BZW1: variants seen among roughly 807,000 people sequenced by gnomAD.
BZW1 encodes eIF5-mimic protein 2.
BZW1 carries 3 observed loss-of-function variants against 54.1 expected under a neutral mutation model. That is an observed-to-expected ratio of 0.06 (90% CI 0.03 to 0.14). The LOEUF is 0.14. Ranked by LOEUF, BZW1 falls within the 10% of genes least tolerant of loss-of-function variation. BZW1 has a pLI of 1.00. For missense variants in BZW1, 206 were observed against 491.7 expected (o/e 0.42, Z 5.50); for synonymous variants, 152 against 162.7 (o/e 0.93, Z 0.50).
chr2:200,813,096 C>A, intron 1 of BZW1, 112 bp from the exon 2 acceptor site: 1 of 856,632 alleles, frequency 1.2e-6, no homozygotes, highest in Non-Finnish European at 1.9e-6. Context: ...GCTTTATATC[C>A]TGAGAGTGGG....
At position 200,825,978 on chromosome 2, in the gene BZW1, C is replaced by T. The variant is rs1168688761; in HGVS notation, c.*3800C>T. On this transcript the variant is annotated 3_prime_UTR_variant, in exon 12 of 12. Transcript: ENST00000409600. ...TGATTTTTCATGCTCAGTATTAGTCCTCTAGTATCAATACGAAGTTTTTCT... is the reference window on the plus strand; with the variant it reads ...TGATTTTTCATGCTCAGTATTAGTCTTCTAGTATCAATACGAAGTTTTTCT... 3.3e-5 allele frequency: 5 copies of T among 152,134 alleles called. No homozygotes were observed. The highest frequency in any genetic ancestry group is 9.7e-5 in the African/African-American group (4 of 41,424). The allele number at this position is 152,134 out of a possible 1,614,324, so 9.4% of individuals were successfully genotyped here.
intron 6 of BZW1, 107 bp downstream of exon 6, chr2:200,817,348 C>G (rs1486304970): frequency 2.2e-6 from 3 of 1,362,876 alleles, no homozygotes; most frequent in Non-Finnish European, 3.0e-6. Context: ...GTTTATTAAC[C>G]AGCCTTAAAT....
Position 200,811,922 on chromosome 2 carries a change from A to T in BZW1, c.-79A>T. On this transcript the variant is annotated 5_prime_UTR_variant, in exon 1 of 12. Coordinates refer to ENST00000409600, the MANE Select transcript of BZW1 (RefSeq NM_001207067.2). ...TCCTCCTGGCGTTAGTTCCGGTCGC[A>T]GAGGAGACACCGCCGCAGTTGCCGG... 3 of 233,890 alleles carry T rather than the reference A, an allele frequency of 1.3e-5. No homozygotes were observed. Among genetic ancestry groups the T allele is most frequent in the African/African-American group, 2.3e-5 (1 of 44,418 alleles). The allele number at this position is 233,890 out of a possible 1,614,324, so 14.5% of individuals were successfully genotyped here.
At chr2:200,812,867 C>T (rs958586459) in intron 1 of BZW1, 2 of 655,714 alleles carry the variant, frequency 3.1e-6, no homozygotes, top group Non-Finnish European at 5.8e-6. Context: ...TTCTGCGATG[C>T]TTAGTGGTCG....
At position 200,824,082 on chromosome 2, in the gene BZW1, G is replaced by A. The variant is rs1258529796; in HGVS notation, c.*1904G>A. Reference sequence around the variant, plus strand: ...TTTATACTGTGTATAGTGAAAAAGTGTGTCATCTTCCAGAACTACATTATT... The same window carrying A: ...TTTATACTGTGTATAGTGAAAAAGTATGTCATCTTCCAGAACTACATTATT... On this transcript the variant is annotated 3_prime_UTR_variant, in exon 12 of 12. Coordinates refer to ENST00000409600, the MANE Select transcript of BZW1 (RefSeq NM_001207067.2). The A allele has an allele frequency of 6.6e-6, 1 of 152,134 alleles. No individual in the cohort carries two copies. The highest frequency in any genetic ancestry group is 2.4e-5 in the African/African-American group (1 of 41,438). The allele number at this position is 152,134 out of a possible 1,614,324, so 9.4% of individuals were successfully genotyped here. A position where few individuals can be genotyped will look rare whatever the true frequency, so the allele number is the denominator to read the frequency against.
At chr2:200,813,356 C>T in intron 2 of BZW1, 75 bp downstream of exon 2, 1 of 1,310,958 alleles carries the variant, frequency 7.6e-7, no homozygotes, top group Non-Finnish European at 1.1e-6. Context: ...CTGACAGGTA[C>T]TTGCATATTA....
intron 9 of BZW1, chr2:200,819,149 T>G (rs1043441325): frequency 1.6e-5 from 7 of 431,784 alleles, no homozygotes; most frequent in Admixed American, 1.5e-4. Context: ...CCCAGCACTT[T>G]GGGAGGCAAG....
chr2:200,821,041 T>A, intron 10 of BZW1, 142 bp from the exon 11 acceptor site: 3 of 985,134 alleles, frequency 3.0e-6, no homozygotes, highest in South Asian at 1.6e-5. Context: ...TGCGCACATG[T>A]ATTATTATCT....
intron 9 of BZW1, 182 bp downstream of exon 9, chr2:200,819,083 C>T (rs1250740851): frequency 9.3e-6 from 7 of 750,084 alleles, no homozygotes; most frequent in Non-Finnish European, 1.4e-5. Context: ...GGCTGTGGTT[C>T]ACAGGTTAAA....
chr2:200,812,736 G>A lies in BZW1; in HGVS notation c.-10-472G>A, dbSNP rs1043392908. ...GTTGCGGTCACAGGCATGACCTAGG[G>A]TAGGATGGTGCTGCCCGTAACCAGG... On this transcript the variant is annotated intron_variant, in intron 1 of 11. Transcript: ENST00000409600. 6 of 737,558 alleles carry A rather than the reference G, an allele frequency of 8.1e-6. No homozygotes were observed. The African/African-American group carries it at 1.0e-4, about 13-fold the overall frequency. 45.7% of individuals were successfully genotyped at this position (737,558 alleles called of 1,614,324 possible).
chr2:200,820,301 C>T, intron 10 of BZW1, 181 bp downstream of exon 10: 1 of 480,198 alleles, frequency 2.1e-6, no homozygotes, highest in Non-Finnish European at 3.6e-6. Context: ...AACATCTAAA[C>T]CCTATTCACA....
In BZW1 at chr2:200,822,143, C is replaced by G. The variant is rs2038550410; in HGVS notation, c.1229-4C>G. 2 of 1,605,202 alleles carry G rather than the reference C, an allele frequency of 1.2e-6. No individual in the cohort carries two copies. Among genetic ancestry groups the G allele is most frequent in the Admixed American group, 3.4e-5 (2 of 58,850 alleles). On this transcript the variant is annotated splice_region_variant and splice_polypyrimidine_tract_variant and intron_variant, in intron 11 of 11. Transcript: ENST00000409600. Reference sequence around the variant, plus strand: ...TGTTTGACTGTTTTTTTCCCCTTTTCTAGAATCTGAATCTGAAGCTGAAGA... The same window carrying G: ...TGTTTGACTGTTTTTTTCCCCTTTTGTAGAATCTGAATCTGAAGCTGAAGA...
intron 9 of BZW1, 47 bp downstream of exon 9, chr2:200,818,948 G>C: frequency 6.6e-7 from 1 of 1,504,640 alleles, no homozygotes; most frequent in Non-Finnish European, 8.8e-7. Flanking sequence ...GCTTTCACGT[G>C]GTGATAAGTG....
At chr2:200,820,457 A>G (rs1017451756) in intron 10 of BZW1, among the ~76,000 whole-genome samples, 1 of 152,188 alleles carries the variant, frequency 6.6e-6, no homozygotes, top group Non-Finnish European at 1.5e-5. Context: ...AGGCTGGAGG[A>G]TCGCTTGAGC....
intron 5 of BZW1, 148 bp downstream of exon 5, chr2:200,816,538 T>G: frequency 2.0e-6 from 1 of 502,422 alleles, no homozygotes; most frequent in Non-Finnish European, 3.4e-6. Context: ...TGTCCCAGGC[T>G]GGGGGTGCAG....
In BZW1 at chr2:200,818,889, C is replaced by T; in HGVS notation, c.954C>T (p.Ile318=). The T allele has an allele frequency of 1.3e-6, 2 of 1,588,082 alleles. No individual in the cohort carries two copies. The highest frequency in any genetic ancestry group is 1.7e-6 in the Non-Finnish European group (2 of 1,170,488). Residue 318 remains isoleucine (I), a synonymous_variant, in exon 9 of 12, where the codon ATC becomes ATT. Transcript: ENST00000409600. ...AGGAGCTTGTAGCAGAGCAAGCCAT[C>T]AAGCACTTGAAGGTATTAGAACTAT... ...KKEELVAEQA[I]KHLKQYSPLL...
intron 10 of BZW1, 40 bp from the exon 11 acceptor site, chr2:200,821,142 GT>G: frequency 6.2e-7 from 1 of 1,606,790 alleles, no homozygotes; most frequent in Admixed American, 1.7e-5. Context: ...GCTGAGTAGA[GT>G]ATATTAAAAC....
Position 200,812,266 on chromosome 2 carries a change from G to A in BZW1, c.-11+276G>A, listed in dbSNP as rs1049034009. Reference sequence around the variant, plus strand: ...CCGAGGCGGGCTCCCTCTGGGCCGTGCCCGGCCTGGCTAACAAAGCCGCCG... The same window carrying A: ...CCGAGGCGGGCTCCCTCTGGGCCGTACCCGGCCTGGCTAACAAAGCCGCCG... On this transcript the variant is annotated intron_variant, in intron 1 of 11. Transcript: ENST00000409600. The A allele has an allele frequency of 2.0e-5, 25 of 1,232,440 alleles. No homozygotes were observed. In the South Asian group the frequency reaches 2.8e-4, roughly 14 times the overall value. 76.3% of individuals were successfully genotyped at this position (1,232,440 alleles called of 1,614,324 possible).
chr2:200,821,913 TAAA>T (rs1255504860), intron 11 of BZW1, among the ~76,000 whole-genome samples: 1 of 151,990 alleles, frequency 6.6e-6, no homozygotes, highest in Admixed American at 6.6e-5. Context: ...CTACTAAAAA[TAAA>T]AAATTAGCCA....
Sources: gnomAD v4.1 joint callset for allele counts (sites outside exome capture counted in the v4.1 genomes callset) on GRCh38, gnomAD v4.1.1 for gene constraint, MANE v1.5 for transcripts, NCBI Gene and HGNC (gene_info 2026-07-23, HGNC 2026-07-21) for gene names.